EDNRA: variants seen among roughly 807,000 people sequenced by gnomAD.
The protein encoded by EDNRA is endothelin-1 receptor.
EDNRA carries 11 observed loss-of-function variants against 41.4 expected under a neutral mutation model. That is an observed-to-expected ratio of 0.27 (90% CI 0.17 to 0.44). The LOEUF is 0.44. EDNRA is among the 20% of genes least tolerant of loss of function. The pLI is 1.00. For synonymous variants in EDNRA, 172 were observed against 183.0 expected (o/e 0.94, Z 0.49); for missense variants, 294 against 531.0 (o/e 0.55, Z 4.39).
chr4:147,519,376 T>G lies in EDNRA; in HGVS notation c.421-475T>G, dbSNP rs1200004908. Among the ~76,000 whole-genome samples the G allele has an allele frequency of 1.3e-5, 2 of 152,162 alleles. No homozygotes were observed. Among genetic ancestry groups the G allele is most frequent in the Admixed American group, 1.3e-4 (2 of 15,280 alleles). ...TAGTTGAAATTATTTGCTTTACTCA[T>G]GGTTTAGTAAGCACAGATAAAAAAC... On this transcript the variant is annotated intron_variant, in intron 2 of 7. Coordinates refer to ENST00000651419, the MANE Select transcript of EDNRA (RefSeq NM_001957.4). The surrounding 1 kb of genome is among the most constrained non-coding windows in gnomAD (Gnocchi z 4.1).
chr4:147,536,044 A>T lies in EDNRA; in HGVS notation c.900+15A>T. 6.2e-7 allele frequency: 1 copy of T among 1,613,634 alleles called. No individual in the cohort carries two copies. ...ATCTTAAGCAGGTAAATCCCATAAC[A>T]TCATGAAAATCTGGCCAGGACTGGT... On this transcript the variant is annotated intron_variant, in intron 5 of 7. Transcript: ENST00000651419.
At chr4:147,539,794 A>AT (rs755071471) in intron 5 of EDNRA, 23 bp from the exon 6 acceptor site, 4 of 1,600,784 alleles carry the variant, frequency 2.5e-6, no homozygotes, top group South Asian at 1.1e-5. Context: ...TTGTTGTCCT[A>AT]TTTTTTTCTC....
At chr4:147,527,565 AT>A (rs1229800746) in intron 3 of EDNRA, among the ~76,000 whole-genome samples, 10 of 152,158 alleles carry the variant, frequency 6.6e-5, no homozygotes, top group Admixed American at 3.3e-4. Flanking sequence ...TATCTTTTTA[AT>A]TTGTTTTATT....
At chr4:147,511,708 C>G (rs1729933348) in intron 2 of EDNRA, among the ~76,000 whole-genome samples, 1 of 152,114 alleles carries the variant, frequency 6.6e-6, no homozygotes, top group African/African-American at 2.4e-5. Context: ...TCTGTTTTAT[C>G]TTGTTTTGTT....
At chr4:147,494,728 A>G (rs1474659670) in intron 2 of EDNRA, 1 of 152,242 alleles carries the variant, frequency 6.6e-6, no homozygotes, top group Non-Finnish European at 1.5e-5. Context: ...CAATAGGCAT[A>G]AACCAGGACT....
At chr4:147,487,378 A>G (rs1728983252) in intron 2 of EDNRA, among the ~76,000 whole-genome samples, 1 of 152,246 alleles carries the variant, frequency 6.6e-6, no homozygotes, top group Admixed American at 6.5e-5. Flanking sequence ...ATTCAGATAT[A>G]CTAAAATTCA....
rs769759517 is a variant in EDNRA, at chr4:147,520,013, G to T, written c.548+35G>T. 6 of 1,571,168 alleles carry T rather than the reference G, an allele frequency of 3.8e-6. No individual in the cohort carries two copies. The East Asian group carries it at 1.4e-4, about 36-fold the overall frequency. On this transcript the variant is annotated intron_variant, in intron 3 of 7. Transcript: ENST00000651419. ...TTCTTTCCCTTTGCTCTTTGGCTGG[G>T]CTTAGAAAAGCATTTTTCTCAAAAA...
chr4:147,489,072 A>G (rs1219155046), intron 2 of EDNRA: 1 of 152,248 alleles, frequency 6.6e-6, no homozygotes, highest in African/African-American at 2.4e-5. Flanking sequence ...AGAAGAATAA[A>G]TAGTTGAAAG....
At position 147,510,541 on chromosome 4, in the gene EDNRA, C is replaced by T. The variant is rs552520510; in HGVS notation, c.421-9310C>T. On this transcript the variant is annotated intron_variant, in intron 2 of 7. Coordinates refer to ENST00000651419, the MANE Select transcript of EDNRA (RefSeq NM_001957.4). ...ATTTTACATTATTGTTTATAACAGA[C>T]CCGTGGTTGGAAGCTTAAAATCTCC... Among the ~76,000 whole-genome samples, 5 of 152,194 alleles carry T rather than the reference C, an allele frequency of 3.3e-5. No individual in the cohort carries two copies. The East Asian group carries it at 5.8e-4, about 18-fold the overall frequency.
At chr4:147,539,686 C>A (rs1044901876) in intron 5 of EDNRA, 131 bp from the exon 6 acceptor site, 14 of 1,060,090 alleles carry the variant, frequency 1.3e-5, no homozygotes, top group Admixed American at 7.7e-5. Context: ...GCAGTGTAAG[C>A]CAGGCTGTTC....
intron 2 of EDNRA, among the ~76,000 whole-genome samples, chr4:147,502,298 T>C (rs1729543771): frequency 1.3e-5 from 2 of 152,210 alleles, no homozygotes; most frequent in African/African-American, 4.8e-5. Context: ...AATCACTGAT[T>C]GTCAGTGGAT....
chr4:147,491,214 A>G (rs1729125764), intron 2 of EDNRA: 1 of 152,216 alleles, frequency 6.6e-6, no homozygotes, highest in Non-Finnish European at 1.5e-5. Flanking sequence ...ATATTTTGCA[A>G]TGAAAAGTCA....
intron 2 of EDNRA, among the ~76,000 whole-genome samples, chr4:147,512,014 C>T (rs957796449): frequency 1.3e-5 from 2 of 152,166 alleles, no homozygotes; most frequent in South Asian, 2.1e-4. Context: ...AATCTCCTCT[C>T]CATTATGAAT....
At chr4:147,498,204 C>T (rs1222333611) in intron 2 of EDNRA, among the ~76,000 whole-genome samples, 1 of 152,218 alleles carries the variant, frequency 6.6e-6, no homozygotes, top group African/African-American at 2.4e-5. Flanking sequence ...CTGAGCACTG[C>T]ATTTTTGCAA....
chr4:147,534,266 C>T lies in EDNRA; in HGVS notation c.747+1562C>T, dbSNP rs1013829837. Among the ~76,000 whole-genome samples, 4 of 152,076 alleles carry T rather than the reference C, an allele frequency of 2.6e-5. No individual in the cohort carries two copies. The South Asian group carries it at 6.2e-4, about 24-fold the overall frequency. ...GAGAATGGGTGCTCAAAGGAGTGTT[C>T]GTGTTGCACTTCAAAAAAGAGAGAG... On this transcript the variant is annotated intron_variant, in intron 4 of 7. Coordinates refer to ENST00000651419, the MANE Select transcript of EDNRA (RefSeq NM_001957.4).
rs1433760046 is a variant in EDNRA, at chr4:147,542,840, G to A, written c.*222G>A. The A allele has an allele frequency of 8.2e-6, 4 of 486,126 alleles. No homozygotes were observed. Among genetic ancestry groups the A allele is most frequent in the Non-Finnish European group, 1.4e-5 (4 of 285,052 alleles). The allele number at this position is 486,126 out of a possible 1,614,324, so 30.1% of individuals were successfully genotyped here. A position where few individuals can be genotyped will look rare whatever the true frequency, so the allele number is the denominator to read the frequency against. ...TTGATCTAATTTACATATTCTGCGT[G>A]TTGTATTCAGCACTAAAAAATGGTG... On this transcript the variant is annotated 3_prime_UTR_variant, in exon 8 of 8. Transcript: ENST00000651419.
At chr4:147,496,139 A>G (rs1018984861) in intron 2 of EDNRA, 2 of 152,234 alleles carry the variant, frequency 1.3e-5, no homozygotes, top group Non-Finnish European at 2.9e-5. Flanking sequence ...ATTGAATAAC[A>G]CATTACACTG....
At chr4:147,532,281 G>C (rs1452318951) in intron 3 of EDNRA, among the ~76,000 whole-genome samples, 1 of 143,810 alleles carries the variant, frequency 7.0e-6, no homozygotes, top group Non-Finnish European at 1.5e-5. Flanking sequence ...AGCCGAGATG[G>C]TGCCACTGCA....
chr4:147,498,165 A>T (rs1729379982), intron 2 of EDNRA, among the ~76,000 whole-genome samples: 1 of 152,270 alleles, frequency 6.6e-6, no homozygotes. Context: ...AAACACTCCC[A>T]GGAAGTCATT....
Sources: gnomAD v4.1 joint callset for allele counts (sites outside exome capture counted in the v4.1 genomes callset) on GRCh38, gnomAD v4.1.1 for gene constraint, Gnocchi (gnomAD v3.1) non-coding constraint, MANE v1.5 for transcripts, NCBI Gene and HGNC (gene_info 2026-07-23, HGNC 2026-07-21) for gene names.